MARCHF5: variants seen among roughly 807,000 people sequenced by gnomAD.
The protein encoded by MARCHF5 is membrane associated ring-CH-type finger 5.
Under a neutral mutation model 36.5 loss-of-function variants are expected in MARCHF5, and 5 were observed. That is an observed-to-expected ratio of 0.14 (90% confidence interval 0.07 to 0.29). The LOEUF is 0.29. MARCHF5 is among the 10% of genes least tolerant of loss of function. MARCHF5 has a pLI of 1.00. For missense variants in MARCHF5, 179 were observed against 336.3 expected, an observed-to-expected ratio of 0.53 and a Z score of 3.66; for synonymous variants, 103 against 109.9, an observed-to-expected ratio of 0.94 and a Z score of 0.39.
At chr10:92,350,543 C>G (rs1412643114) in intron 5 of MARCHF5, among the ~76,000 whole-genome samples, 1 of 152,196 alleles carries the variant, frequency 6.6e-6, no homozygotes, top group African/African-American at 2.4e-5. Flanking sequence ...GTTTGGTTCA[C>G]AGCAGGCTTG....
chr10:92,300,173 A>G (rs1163803652), intron 1 of MARCHF5, among the ~76,000 whole-genome samples: 1 of 150,770 alleles, frequency 6.6e-6, no homozygotes, highest in Admixed American at 6.6e-5. Context: ...AAAAAAAAAA[A>G]AGAAAAGAAA....
At chr10:92,341,780 C>CTTTTTTT (rs71025395) in intron 3 of MARCHF5, among the ~76,000 whole-genome samples, 33 of 77,406 alleles carry the variant, frequency 4.3e-4, no homozygotes, top group East Asian at 4.9e-4. Context: ...AGTTTACATC[C>CTTTTTTT]TTTTTTTTTT....
chr10:92,352,463 C>T lies in MARCHF5; in HGVS notation c.*1256C>T, dbSNP rs1439153881. 6.6e-6 allele frequency: 1 copy of T among 152,080 alleles called. No homozygotes were observed. Among genetic ancestry groups the T allele is most frequent in the Non-Finnish European group, 1.5e-5 (1 of 68,014 alleles). The allele number at this position is 152,080 out of a possible 1,614,324, so 9.4% of individuals were successfully genotyped here. ...CATTTTTAAAAGCAATTATTGAAGC[C>T]ATTTTCAATAGATTGGCCATTTTAA... is the stretch of plus-strand genomic sequence containing the variant. On this transcript the variant is annotated 3_prime_UTR_variant, in exon 6 of 6. Transcript: ENST00000358935.
At chr10:92,292,685 C>T (rs1842897245) in intron 1 of MARCHF5, among the ~76,000 whole-genome samples, 1 of 152,128 alleles carries the variant, frequency 6.6e-6, no homozygotes, top group African/African-American at 2.4e-5. Flanking sequence ...GGTGATTCAT[C>T]CAGCCCTTGT....
chr10:92,296,611 A>G (rs149885244), intron 1 of MARCHF5, among the ~76,000 whole-genome samples: 6 of 152,162 alleles, frequency 3.9e-5, no homozygotes, highest in African/African-American at 1.4e-4. Flanking sequence ...TTTGGAAACT[A>G]CTTCTGCTTC....
At chr10:92,295,409 T>TTA (rs1246424478) in intron 1 of MARCHF5, among the ~76,000 whole-genome samples, 3 of 138,500 alleles carry the variant, frequency 2.2e-5, no homozygotes, top group Non-Finnish European at 4.9e-5. Context: ...ATTTATTTAT[T>TTA]TTTTATTTTT....
intron 1 of MARCHF5, among the ~76,000 whole-genome samples, chr10:92,305,666 G>C (rs536052413): frequency 6.6e-6 from 1 of 152,314 alleles, no homozygotes; most frequent in South Asian, 2.1e-4. Context: ...GAGAAAACAA[G>C]AGGAAAAATA....
intron 1 of MARCHF5, among the ~76,000 whole-genome samples, chr10:92,300,286 C>T (rs970833618): frequency 7.9e-5 from 12 of 151,484 alleles, no homozygotes; most frequent in African/African-American, 2.7e-4. Context: ...TTGAGACCAG[C>T]GTGGGCAACA....
intron 1 of MARCHF5, among the ~76,000 whole-genome samples, chr10:92,301,465 C>T (rs957590841): frequency 6.6e-6 from 1 of 152,188 alleles, no homozygotes; most frequent in Non-Finnish European, 1.5e-5. Flanking sequence ...TGCATCCATG[C>T]CTCTCTGCTT....
In MARCHF5 at chr10:92,329,771, T is replaced by G. The variant is rs543155179; in HGVS notation, c.239-10902T>G. Among the ~76,000 whole-genome samples the G allele has an allele frequency of 2.2e-4, 34 of 152,336 alleles. No homozygotes were observed. In the East Asian group the frequency reaches 4.4e-3, roughly 20 times the overall value. On this transcript the variant is annotated intron_variant, in intron 2 of 5. Transcript: ENST00000358935. ...ATGTATGATCAAAATAAAGAAAAAT[T>G]TAAAAACCTAAGTCCTATTCCATAG...
At chr10:92,339,152 CT>C (rs1843542047) in intron 2 of MARCHF5, among the ~76,000 whole-genome samples, 1 of 150,822 alleles carries the variant, frequency 6.6e-6, no homozygotes. Context: ...GGTGGATCAC[CT>C]GAGGTCGGGA....
At chr10:92,314,416 C>T (rs942333911) in intron 2 of MARCHF5, among the ~76,000 whole-genome samples, 2 of 152,222 alleles carry the variant, frequency 1.3e-5, no homozygotes, top group South Asian at 2.1e-4. Flanking sequence ...CCAAGGCAGG[C>T]GGATCACCTG....
chr10:92,336,280 G>T (rs557928606), intron 2 of MARCHF5, among the ~76,000 whole-genome samples: 1 of 152,242 alleles, frequency 6.6e-6, no homozygotes, highest in African/African-American at 2.4e-5. Flanking sequence ...CAGGTGATCC[G>T]CCCACCTTGG....
chr10:92,325,115 T>C (rs1284116068), intron 2 of MARCHF5, among the ~76,000 whole-genome samples: 2 of 152,036 alleles, frequency 1.3e-5, no homozygotes, highest in East Asian at 3.9e-4. Context: ...GGGGGATCAT[T>C]TGCGCCTAGA....
At chr10:92,338,552 A>G (rs1435168827) in intron 2 of MARCHF5, among the ~76,000 whole-genome samples, 1 of 152,218 alleles carries the variant, frequency 6.6e-6, no homozygotes, top group Non-Finnish European at 1.5e-5. Flanking sequence ...TTTAAATGTT[A>G]TGTAAGTTAG....
chr10:92,340,879 A>G, intron 3 of MARCHF5, 76 bp downstream of exon 3: 1 of 1,239,416 alleles, frequency 8.1e-7, no homozygotes, highest in Admixed American at 2.6e-5. Context: ...GACATTTAAA[A>G]GTGTATTATT....
At chr10:92,348,185 CAA>C (rs58496139) in intron 3 of MARCHF5, among the ~76,000 whole-genome samples, 54 of 121,266 alleles carry the variant, frequency 4.5e-4, no homozygotes, top group Middle Eastern at 9.5e-3. Context: ...AATTCCGTCT[CAA>C]AAAAAAAAAA....
At chr10:92,312,844 TAG>T (rs1430190725) in intron 2 of MARCHF5, among the ~76,000 whole-genome samples, 3 of 152,244 alleles carry the variant, frequency 2.0e-5, no homozygotes, top group Non-Finnish European at 4.4e-5. Context: ...TGGCAATGTG[TAG>T]ATCTGTCCTT....
chr10:92,319,647 T>C (rs1843264472), intron 2 of MARCHF5, among the ~76,000 whole-genome samples: 1 of 98,240 alleles, frequency 1.0e-5, no homozygotes, highest in Non-Finnish European at 2.0e-5. Flanking sequence ...TTGTTTTTTG[T>C]TTTTTTGTTT....
Sources: gnomAD v4.1 joint callset for allele counts (sites outside exome capture counted in the v4.1 genomes callset) on GRCh38, gnomAD v4.1.1 for gene constraint, MANE v1.5 for transcripts, NCBI Gene and HGNC (gene_info 2026-07-23, HGNC 2026-07-21) for gene names.